Variants in KIF13B observed in about 807,000 individuals in gnomAD.
KIF13B encodes kinesin-like protein KIF13B.
KIF13B carries 127 observed loss-of-function variants against 222.0 expected under a neutral mutation model. The ratio of observed to expected loss-of-function variants is 0.57; its 90% CI spans 0.50 to 0.66. KIF13B has a LOEUF of 0.66. Ranked by LOEUF, KIF13B falls within the 30% of genes least tolerant of loss-of-function variation. The pLI is 0.00. For synonymous variants in KIF13B, 976 were observed against 919.0 expected (o/e 1.06, Z -1.12); for missense variants, 2,173 against 2,379.0 (o/e 0.91, Z 1.80).
At chr8:29,195,466 C>A (rs1314758061) in intron 3 of KIF13B, among the ~76,000 whole-genome samples, 2 of 152,162 alleles carry the variant, frequency 1.3e-5, no homozygotes, top group Non-Finnish European at 2.9e-5. Context: ...GAGTCCCAAA[C>A]AGCCATGTCT....
At chr8:29,134,678 T>A (rs183309626) in intron 21 of KIF13B, among the ~76,000 whole-genome samples, 1 of 152,318 alleles carries the variant, frequency 6.6e-6, no homozygotes, top group Admixed American at 6.5e-5. Context: ...AACATGGATT[T>A]GATATTTTAA....
chr8:29,254,532 C>T (rs778414654), intron 1 of KIF13B, among the ~76,000 whole-genome samples: 22 of 152,126 alleles, frequency 1.4e-4, no homozygotes, highest in South Asian at 1.2e-3. Context: ...GCTATACAAA[C>T]GGCCAATATG....
chr8:29,259,131 C>A (rs1816592797), intron 1 of KIF13B, among the ~76,000 whole-genome samples: 1 of 152,102 alleles, frequency 6.6e-6, no homozygotes, highest in Admixed American at 6.6e-5. Context: ...AAACGATCTT[C>A]CTTGTTAAAT....
rs901984115 is a variant in KIF13B, at chr8:29,071,174, T to G, written c.5219-408A>C. ...GGCTGGGTGGCGGGAGAATGGTTCT[T>G]TTGCTGAATCTATGAAATGGAAACT... On this transcript the variant is annotated intron_variant, in intron 39 of 39. Coordinates refer to ENST00000524189, the MANE Select transcript of KIF13B (RefSeq NM_015254.4). The surrounding 1 kb of genome is among the most constrained non-coding windows in gnomAD (Gnocchi z 4.9). 2.0e-5 allele frequency among the ~76,000 whole-genome samples: 3 copies of G among 152,096 alleles called. No individual in the cohort carries two copies. The highest frequency in any genetic ancestry group is 7.2e-5 in the African/African-American group (3 of 41,416).
At chr8:29,085,849 CAAAAAAAAAA>C (rs752162185) in intron 37 of KIF13B, among the ~76,000 whole-genome samples, 8 of 67,368 alleles carry the variant, frequency 1.2e-4, no homozygotes, top group South Asian at 5.4e-4. Flanking sequence ...GAGCCCGTAA[CAAAAAAAAAA>C]AAAAAAAAAA....
In KIF13B at chr8:29,147,458, C is replaced by A. The variant is rs1207121901; in HGVS notation, c.1958G>T (p.Ser653Ile). Residue 653 changes from serine (S) to isoleucine (I), a missense_variant, in exon 17 of 40, where the codon AGC (serine) becomes ATC (isoleucine). By Grantham distance (142) the Ser-to-Ile change is moderately radical. Transcript: ENST00000524189. ...RLSPEKQNCRSMDRFSFHSPS... is the reference protein window; with the variant it reads ...RLSPEKQNCRIMDRFSFHSPS... ...CGAGTGGAAAGAAAACCTGTCCATG[C>A]TCCGGCAGTTCTGCTTCTCAGGAGA... 1 of 1,612,816 alleles carries A rather than the reference C, an allele frequency of 6.2e-7. No individual in the cohort carries two copies. Among genetic ancestry groups the A allele is most frequent in the Non-Finnish European group, 8.5e-7 (1 of 1,179,428 alleles).
At chr8:29,126,178 G>C (rs1316450102) in intron 26 of KIF13B, among the ~76,000 whole-genome samples, 1 of 152,150 alleles carries the variant, frequency 6.6e-6, no homozygotes, top group Non-Finnish European at 1.5e-5. Flanking sequence ...GCAACGAGTG[G>C]GGACTCACTC....
At chr8:29,149,280 T>C (rs1266504096) in intron 15 of KIF13B, among the ~76,000 whole-genome samples, 3 of 152,190 alleles carry the variant, frequency 2.0e-5, no homozygotes, top group Non-Finnish European at 4.4e-5. Flanking sequence ...CGTCATTTAA[T>C]TTAGGAAGGA....
chr8:29,257,106 G>C (rs1435753408), intron 1 of KIF13B, among the ~76,000 whole-genome samples: 1 of 152,086 alleles, frequency 6.6e-6, no homozygotes, highest in Non-Finnish European at 1.5e-5. Flanking sequence ...GCATTAAAAA[G>C]CATTGAACTC....
chr8:29,075,102 G>A (rs747621845), intron 38 of KIF13B, among the ~76,000 whole-genome samples, 179 bp downstream of exon 38: 3 of 152,230 alleles, frequency 2.0e-5, no homozygotes, highest in Admixed American at 1.3e-4. Context: ...TTAACAAGTT[G>A]AAAATAGAAA....
intron 29 of KIF13B, among the ~76,000 whole-genome samples, chr8:29,119,495 A>G (rs1484882103): frequency 6.6e-6 from 1 of 152,190 alleles, no homozygotes; most frequent in Non-Finnish European, 1.5e-5. Flanking sequence ...GCTCGTGGGC[A>G]GACATCCAAA....
At chr8:29,249,912 T>A in intron 1 of KIF13B, 1 of 602,784 alleles carries the variant, frequency 1.7e-6, no homozygotes, top group Admixed American at 2.4e-5. Context: ...TTAAATCTGC[T>A]CTAGACTATC....
chr8:29,119,274 T>C (rs1489500127), intron 29 of KIF13B, among the ~76,000 whole-genome samples: 1 of 152,196 alleles, frequency 6.6e-6, no homozygotes, highest in East Asian at 1.9e-4. Context: ...CAAGGTCATC[T>C]CATCAATGTC....
chr8:29,216,945 G>A (rs1332993157), intron 2 of KIF13B, among the ~76,000 whole-genome samples: 2 of 150,586 alleles, frequency 1.3e-5, no homozygotes, highest in African/African-American at 4.9e-5. Context: ...TGTGTCCATC[G>A]ACGTATATTC....
chr8:29,140,261 T>C, intron 20 of KIF13B, 70 bp from the exon 21 acceptor site: 1 of 1,587,954 alleles, frequency 6.3e-7, no homozygotes, highest in East Asian at 2.2e-5. Context: ...TGACCTCTCT[T>C]CTCTTTTACA....
intron 22 of KIF13B, among the ~76,000 whole-genome samples, chr8:29,133,759 G>GT (rs1246905684): frequency 6.6e-6 from 1 of 152,168 alleles, no homozygotes; most frequent in Non-Finnish European, 1.5e-5. Flanking sequence ...TTTCTTAACT[G>GT]TTTTAGATAA....
rs1164633187 is a variant in KIF13B, at chr8:29,134,211, C to T, written c.2614-1G>A. 6.2e-7 allele frequency: 1 copy of T among 1,612,372 alleles called. No individual in the cohort carries two copies. The highest frequency in any genetic ancestry group is 1.3e-5 in the African/African-American group (1 of 74,814). The stretch of plus-strand genomic sequence containing the variant: ...ACCCAGTAGCTTGCAGGATTTTAAC[C>T]TGAAGGAAAAAGAAGGCTCTGTGTT... On this transcript the variant is annotated splice_acceptor_variant, in intron 21 of 39. Coordinates refer to ENST00000524189, the MANE Select transcript of KIF13B (RefSeq NM_015254.4). LOFTEE classifies it high-confidence loss of function.
At chr8:29,262,689 G>T (rs1037325058) in intron 1 of KIF13B, among the ~76,000 whole-genome samples, 4 of 151,258 alleles carry the variant, frequency 2.6e-5, no homozygotes, top group Non-Finnish European at 5.9e-5. Flanking sequence ...CGGGGGAGAC[G>T]AGAGGGCAAA....
intron 2 of KIF13B, among the ~76,000 whole-genome samples, chr8:29,208,842 A>C (rs1814077302): frequency 6.6e-6 from 1 of 152,098 alleles, no homozygotes; most frequent in Non-Finnish European, 1.5e-5. Context: ...GCCTGCTTCC[A>C]GCTCCCCCAG....
Sources: gnomAD v4.1 joint callset for allele counts (sites outside exome capture counted in the v4.1 genomes callset) on GRCh38, gnomAD v4.1.1 for gene constraint, Gnocchi (gnomAD v3.1) non-coding constraint, MANE v1.5 for transcripts, NCBI Gene and HGNC (gene_info 2026-07-23, HGNC 2026-07-21) for gene names.